Variants in ACCSL observed in about 807,000 individuals in gnomAD.
ACCSL encodes the protein probable inactive 1-aminocyclopropane-1-carboxylate synthase-like protein 2.
ACCSL carries 55 observed loss-of-function variants against 61.7 expected under a neutral mutation model. That is an observed-to-expected ratio of 0.89 (90% CI 0.72 to 1.12). The LOEUF is 1.12. Ranked by LOEUF, ACCSL falls within the 50% of genes most tolerant of loss-of-function variation. ACCSL has a pLI of 0.00. For missense variants in ACCSL, 632 were observed against 698.0 expected (o/e 0.91, Z 1.07); for synonymous variants, 258 against 264.3 (o/e 0.98, Z 0.23).
chr11:43,939,415 A>C, the ACCSL span, among the ~76,000 whole-genome samples: 443 of 152,266 alleles, frequency 2.9e-3, 3 homozygotes, highest in African/African-American at 0.01. Flanking sequence ...GGTTATAGAA[A>C]TTGCTTTTTC....
chr11:43,940,111 A>C, the ACCSL span, among the ~76,000 whole-genome samples: 1 of 152,032 alleles, frequency 6.6e-6, no homozygotes. Context: ...TCCTCTCCAC[A>C]CAACAGCCAG....
At chr11:43,940,319 T>C in the ACCSL span, among the ~76,000 whole-genome samples, 1,669 of 151,884 alleles carry the variant, frequency 0.011, 17 homozygotes, top group Non-Finnish European at 0.017. Flanking sequence ...GGAGCATGCA[T>C]TAAGATGCCT....
At chr11:43,966,119 G>T in the ACCSL span, among the ~76,000 whole-genome samples, 1 of 152,116 alleles carries the variant, frequency 6.6e-6, no homozygotes, top group African/African-American at 2.4e-5. Context: ...TAGATAAATT[G>T]CACTTCATCA....
chr11:43,928,139 G>T, the ACCSL span, among the ~76,000 whole-genome samples: 1 of 152,116 alleles, frequency 6.6e-6, no homozygotes, highest in African/African-American at 2.4e-5. Flanking sequence ...GGGACCCCTT[G>T]GTAGCTTATG....
the ACCSL span, among the ~76,000 whole-genome samples, chr11:43,978,605 G>C: frequency 6.6e-6 from 1 of 151,804 alleles, no homozygotes; most frequent in Admixed American, 6.6e-5. Flanking sequence ...GGTAGGCTTT[G>C]TTCCCTCTTG....
intron 2 of ACCSL, among the ~76,000 whole-genome samples, 191 bp downstream of exon 2, chr11:44,050,312 T>A (rs1315179003): frequency 6.6e-6 from 1 of 152,184 alleles, no homozygotes; most frequent in Non-Finnish European, 1.5e-5. Context: ...TGATTAGGTA[T>A]ATGGTGGGAA....
At chr11:44,058,489 T>C in intron 12 of ACCSL, 30 bp downstream of exon 12, 1 of 1,614,164 alleles carries the variant, frequency 6.2e-7, no homozygotes, top group Admixed American at 1.7e-5. Flanking sequence ...ACAGGTGTTC[T>C]TGGGCAGACC....
At chr11:44,005,328 G>A in the ACCSL span, among the ~76,000 whole-genome samples, 3 of 152,098 alleles carry the variant, frequency 2.0e-5, no homozygotes, top group Non-Finnish European at 4.4e-5. Flanking sequence ...TGGGCTGCAC[G>A]TGCAGGCTTC....
chr11:43,954,029 G>T, the ACCSL span, among the ~76,000 whole-genome samples: 1 of 152,134 alleles, frequency 6.6e-6, no homozygotes, highest in African/African-American at 2.4e-5. Flanking sequence ...TGACGGGAAG[G>T]GGTGGTGGGA....
At chr11:44,052,924 C>A in intron 6 of ACCSL, 67 bp from the exon 7 acceptor site, 1 of 1,534,054 alleles carries the variant, frequency 6.5e-7, no homozygotes, top group Non-Finnish European at 9.0e-7. Flanking sequence ...GATTGCGGGG[C>A]TTATGGGAAT....
the ACCSL span, among the ~76,000 whole-genome samples, chr11:43,946,196 C>G: frequency 6.6e-6 from 1 of 152,162 alleles, no homozygotes; most frequent in Non-Finnish European, 1.5e-5. Flanking sequence ...AAGCGATTCT[C>G]CTGCCTCAGC....
the ACCSL span, among the ~76,000 whole-genome samples, chr11:44,018,427 A>G: frequency 6.6e-6 from 1 of 152,196 alleles, no homozygotes; most frequent in Non-Finnish European, 1.5e-5. Flanking sequence ...CCATGAGTCT[A>G]CAGGCAATAT....
the ACCSL span, among the ~76,000 whole-genome samples, chr11:44,017,469 C>T: frequency 6.6e-6 from 1 of 152,178 alleles, no homozygotes; most frequent in African/African-American, 2.4e-5. Context: ...ATGATGTCTG[C>T]CAGGTCTGCA....
At chr11:44,014,703 C>A in the ACCSL span, among the ~76,000 whole-genome samples, 1 of 152,060 alleles carries the variant, frequency 6.6e-6, no homozygotes, top group Non-Finnish European at 1.5e-5. Context: ...CTAGGGCAGC[C>A]CCTGGCAGGG....
chr11:44,032,134 G>T, the ACCSL span, among the ~76,000 whole-genome samples: 4 of 152,208 alleles, frequency 2.6e-5, no homozygotes, highest in Non-Finnish European at 5.9e-5. Context: ...TGCTGAATGG[G>T]ACTCAGTTAG....
intron 11 of ACCSL, among the ~76,000 whole-genome samples, chr11:44,057,109 G>T (rs1454025309): frequency 6.6e-6 from 1 of 152,196 alleles, no homozygotes; most frequent in Non-Finnish European, 1.5e-5. Flanking sequence ...ATTTGGGCAG[G>T]TTGGTGTGGC....
chr11:43,943,292 G>GGACGCGCGCGTCCGCGGGGC, the ACCSL span: 16 of 1,465,232 alleles, frequency 1.1e-5, no homozygotes, highest in African/African-American at 7.5e-5. This position sits in a 1 kb window ranked among gnomAD's most constrained non-coding sequence, Gnocchi z 4.8. Flanking sequence ...GCCCGCGGGG[G>GGACGCGCGCGTCCGCGGGGC]GGACGCGCGC....
the ACCSL span, among the ~76,000 whole-genome samples, chr11:43,941,096 T>G: frequency 6.6e-6 from 1 of 152,160 alleles, no homozygotes; most frequent in African/African-American, 2.4e-5. Flanking sequence ...AGTTCACGCA[T>G]CAAAAGTGTG....
the ACCSL span, among the ~76,000 whole-genome samples, chr11:43,989,172 G>A: frequency 0.46 from 70,392 of 152,086 alleles, 16,771 homozygotes; most frequent in Middle Eastern, 0.54. Flanking sequence ...GAGGCTCAGC[G>A]CTGGGTTCAG....
Sources: allele counts gnomAD v4.1 joint callset (sites outside exome capture counted in the v4.1 genomes callset), GRCh38; gene constraint gnomAD v4.1.1; non-coding constraint Gnocchi (gnomAD v3.1); transcripts MANE v1.5; gene names NCBI Gene and HGNC (gene_info 2026-07-23, HGNC 2026-07-21).